Variants in ROBO2 observed in about 807,000 individuals in gnomAD.
The protein encoded by ROBO2 is roundabout homolog 2.
ROBO2 carries 53 observed loss-of-function variants against 160.8 expected under a neutral mutation model. The ratio of observed to expected loss-of-function variants is 0.33; its 90% confidence interval spans 0.26 to 0.41. The LOEUF is 0.41. ROBO2 is among the 10% of genes least tolerant of loss of function. ROBO2 has a pLI of 1.00. For missense variants in ROBO2, 1,577 were observed against 1,722.4 expected, an observed-to-expected ratio of 0.92 and a Z score of 1.49; for synonymous variants, 664 against 611.7, an observed-to-expected ratio of 1.09 and a Z score of -1.26.
chr3:76,299,447 GC>G (rs1437083756), intron 2 of ROBO2, among the ~76,000 whole-genome samples: 1 of 152,154 alleles, frequency 6.6e-6, no homozygotes, highest in African/African-American at 2.4e-5. Flanking sequence ...AGCCAGTATG[GC>G]TGGCACAGAG....
At chr3:77,626,241 C>T (rs1172558224) in intron 23 of ROBO2, among the ~76,000 whole-genome samples, 3 of 152,096 alleles carry the variant, frequency 2.0e-5, no homozygotes, top group Non-Finnish European at 4.4e-5. Flanking sequence ...GTCCTTTTTC[C>T]TTATGCATTT....
At chr3:77,565,436 T>A (rs1373386123) in intron 12 of ROBO2, among the ~76,000 whole-genome samples, 1 of 152,070 alleles carries the variant, frequency 6.6e-6, no homozygotes, top group Non-Finnish European at 1.5e-5. Context: ...AATTACACAA[T>A]AACAGAAAAG....
At chr3:77,455,588 C>T (rs897703598) in intron 2 of ROBO2, among the ~76,000 whole-genome samples, 10 of 152,038 alleles carry the variant, frequency 6.6e-5, no homozygotes, top group African/African-American at 1.4e-4. Flanking sequence ...CACACCACCA[C>T]GCCCAGCTAA....
intron 2 of ROBO2, among the ~76,000 whole-genome samples, chr3:77,362,825 T>C (rs949698781): frequency 6.6e-6 from 1 of 152,126 alleles, no homozygotes; most frequent in Admixed American, 6.6e-5. Context: ...ACATCTTACA[T>C]GGTGGCAGGC....
chr3:77,351,211 C>A (rs919930398), intron 2 of ROBO2, among the ~76,000 whole-genome samples: 2 of 151,852 alleles, frequency 1.3e-5, no homozygotes, highest in Non-Finnish European at 2.9e-5. Flanking sequence ...GTACTATAGT[C>A]AGATCTCGAA....
intron 2 of ROBO2, among the ~76,000 whole-genome samples, chr3:76,325,354 A>G (rs1224643759): frequency 6.6e-6 from 1 of 152,202 alleles, no homozygotes; most frequent in Non-Finnish European, 1.5e-5. Context: ...TATAGGATGC[A>G]TTTCTATATA....
At chr3:77,251,283 G>A (rs2153300214) in intron 2 of ROBO2, among the ~76,000 whole-genome samples, 1 of 152,202 alleles carries the variant, frequency 6.6e-6, no homozygotes, top group East Asian at 1.9e-4. Flanking sequence ...CATCGCCAAG[G>A]TTTTCAGCTT....
rs1448139397 is a variant in ROBO2, at chr3:77,634,936, G to C, written c.3827G>C (p.Ser1276Thr). 4.8e-5 allele frequency: 78 copies of C among 1,613,986 alleles called. No individual in the cohort carries two copies. Among genetic ancestry groups the C allele is most frequent in the Non-Finnish European group, 6.6e-5 (78 of 1,180,018 alleles). ...CCATTTTCTACTGACAGTAACACCA[G>C]TGCAGCCCTGAGTCAAAGTCAGAGG... Residue 1276 changes from serine (S) to threonine (T), a missense_variant, in exon 24 of 26, where the codon AGT becomes ACT. Transcript: ENST00000461745.
chr3:75,979,564 C>A (rs2065223098), intron 2 of ROBO2, among the ~76,000 whole-genome samples: 1 of 151,314 alleles, frequency 6.6e-6, no homozygotes, highest in African/African-American at 2.4e-5. Context: ...TCTCTTCTGG[C>A]ACATAATTTT....
chr3:76,932,576 C>T (rs981207379), intron 2 of ROBO2, among the ~76,000 whole-genome samples: 3 of 151,976 alleles, frequency 2.0e-5, no homozygotes, highest in Non-Finnish European at 2.9e-5. Context: ...AAAAAGGACC[C>T]CTTATTCTGG....
chr3:76,960,522 A>T (rs965335414), intron 2 of ROBO2, among the ~76,000 whole-genome samples: 3 of 152,154 alleles, frequency 2.0e-5, no homozygotes, highest in African/African-American at 7.2e-5. Flanking sequence ...TGTCCACATT[A>T]TGTTTCATTT....
At chr3:76,403,792 T>C (rs2077983293) in intron 2 of ROBO2, among the ~76,000 whole-genome samples, 1 of 151,638 alleles carries the variant, frequency 6.6e-6, no homozygotes. Flanking sequence ...TCCAAAATGC[T>C]TATTTTAGGT....
intron 2 of ROBO2, among the ~76,000 whole-genome samples, chr3:76,193,578 T>C (rs1460838723): frequency 6.6e-6 from 1 of 152,200 alleles, no homozygotes. Context: ...TCCAATTGAT[T>C]ATCTATGTTG....
At position 77,173,868 on chromosome 3, in the gene ROBO2, T is replaced by C. The variant is rs181108182; in HGVS notation, c.388+75528T>C. Reference sequence around the variant, plus strand: ...TTAGAAACTACAACCTTTGTTTTCTTAGAACTGACCATCAGGGAAATTGCT... The same window carrying C: ...TTAGAAACTACAACCTTTGTTTTCTCAGAACTGACCATCAGGGAAATTGCT... On this transcript the variant is annotated intron_variant, in intron 2 of 25. Coordinates refer to ENST00000461745, the Ensembl canonical transcript of ROBO2. 2.6e-5 allele frequency among the ~76,000 whole-genome samples: 4 copies of C among 152,192 alleles called. No homozygotes were observed. The East Asian group carries it at 7.7e-4, about 29-fold the overall frequency.
At chr3:77,110,318 G>A (rs1380499664) in intron 2 of ROBO2, among the ~76,000 whole-genome samples, 1 of 152,028 alleles carries the variant, frequency 6.6e-6, no homozygotes, top group East Asian at 1.9e-4. Flanking sequence ...ATACTTTCTG[G>A]AGTTTTTTGA....
chr3:76,259,218 C>T (rs1270859876), intron 2 of ROBO2, among the ~76,000 whole-genome samples: 2 of 152,012 alleles, frequency 1.3e-5, no homozygotes, highest in African/African-American at 4.8e-5. Flanking sequence ...GAAAGTATGA[C>T]ATCAGATCCA....
At chr3:76,239,879 A>T (rs1705184076) in intron 2 of ROBO2, among the ~76,000 whole-genome samples, 1 of 152,152 alleles carries the variant, frequency 6.6e-6, no homozygotes, top group African/African-American at 2.4e-5. Context: ...GAAGAAAAAG[A>T]GATCACAGTC....
At chr3:77,142,026 G>A (rs1037612127) in intron 2 of ROBO2, among the ~76,000 whole-genome samples, 3 of 152,102 alleles carry the variant, frequency 2.0e-5, no homozygotes, top group East Asian at 1.9e-4. Context: ...TGTCTTATAC[G>A]TTGAACAGTC....
intron 2 of ROBO2, among the ~76,000 whole-genome samples, chr3:77,235,852 C>T (rs945166524): frequency 6.6e-6 from 1 of 152,196 alleles, no homozygotes; most frequent in African/African-American, 2.4e-5. Context: ...CCTAGACATA[C>T]ATAGGCCCCC....
Sources: allele counts gnomAD v4.1 joint callset (sites outside exome capture counted in the v4.1 genomes callset), GRCh38; gene constraint gnomAD v4.1.1; transcripts MANE v1.5; gene names NCBI Gene and HGNC (gene_info 2026-07-23, HGNC 2026-07-21).